Variants in NPTN observed in about 807,000 individuals in gnomAD.
The protein encoded by NPTN is neuroplastin.
NPTN carries 5 observed loss-of-function variants against 42.7 expected under a neutral mutation model. The observed-to-expected ratio is 0.12, with a 90% CI of 0.06 to 0.25. The LOEUF is 0.25. Among genes scored for constraint, NPTN ranks in the 10% least tolerant of loss-of-function variants. The probability of loss-of-function intolerance (pLI) is 1.00; values close to 1 mark genes in which losing one functional copy is unlikely to be tolerated. For synonymous variants in NPTN, 180 were observed against 201.9 expected (o/e 0.89, Z 0.92); for missense variants, 307 against 525.4 (o/e 0.58, Z 4.06).
chr15:73,564,063 T>A (rs1894842580), intron 6 of NPTN, among the ~76,000 whole-genome samples: 1 of 152,252 alleles, frequency 6.6e-6, no homozygotes, highest in Non-Finnish European at 1.5e-5. Flanking sequence ...CCTTCTTAAA[T>A]TGATACTTTA....
Position 73,570,658 on chromosome 15 carries a change from G to A in NPTN, c.841-235C>T, listed in dbSNP as rs905892819. 1.3e-5 allele frequency among the ~76,000 whole-genome samples: 2 copies of A among 152,238 alleles called. No individual in the cohort carries two copies. The highest frequency in any genetic ancestry group is 2.9e-5 in the Non-Finnish European group (2 of 68,042). On this transcript the variant is annotated intron_variant, in intron 5 of 8. Transcript: ENST00000345330. This position sits in a 1 kb window ranked among gnomAD's most constrained non-coding sequence, Gnocchi z 4.0. ...CAGACTTCCCCGACTTCCACGAAGT[G>A]AGTGCAGGTCCTACTGCCTGGAGAC...
intron 1 of NPTN, among the ~76,000 whole-genome samples, chr15:73,610,112 G>A (rs1234837073): frequency 6.6e-6 from 1 of 151,058 alleles, no homozygotes; most frequent in African/African-American, 2.4e-5. Flanking sequence ...TAGAGACAGG[G>A]TCTCGCTCTT....
At chr15:73,584,727 G>A (rs1896230661) in intron 4 of NPTN, among the ~76,000 whole-genome samples, 1 of 139,280 alleles carries the variant, frequency 7.2e-6, no homozygotes, top group Non-Finnish European at 1.5e-5. Context: ...ACCCTCAACA[G>A]TATCTTCCTG....
intron 4 of NPTN, among the ~76,000 whole-genome samples, chr15:73,575,049 T>C (rs1039527032): frequency 6.6e-6 from 1 of 152,264 alleles, no homozygotes; most frequent in Non-Finnish European, 1.5e-5. Context: ...AATGGTGTGA[T>C]CTTGGCTCAC....
rs1205794879 is a variant in NPTN, at chr15:73,569,582, C to G, written c.1114+568G>C. On this transcript the variant is annotated intron_variant, in intron 6 of 8. Transcript: ENST00000345330. This position sits in a 1 kb window ranked among gnomAD's most constrained non-coding sequence, Gnocchi z 4.1. ...GCCACCCAGCAGAGAGCGCTGGAAACCTATCAAAGGGACCAACCAAGGAAC... is the reference window on the plus strand; with the variant it reads ...GCCACCCAGCAGAGAGCGCTGGAAAGCTATCAAAGGGACCAACCAAGGAAC... 5 of 985,334 alleles carry G rather than the reference C, an allele frequency of 5.1e-6. No homozygotes were observed. Among genetic ancestry groups the G allele is most frequent in the East Asian group, 2.3e-4 (2 of 8,834 alleles). The allele number at this position is 985,334 out of a possible 1,614,324, so 61.0% of individuals were successfully genotyped here.
intron 1 of NPTN, among the ~76,000 whole-genome samples, chr15:73,598,121 CT>C (rs1297469751): frequency 6.6e-6 from 1 of 152,162 alleles, no homozygotes; most frequent in Non-Finnish European, 1.5e-5. Context: ...GATATTAATA[CT>C]TTGTGGGTCA....
chr15:73,597,823 G>C lies in NPTN; in HGVS notation c.92-454C>G, dbSNP rs1896896638. On this transcript the variant is annotated intron_variant, in intron 1 of 8. Coordinates refer to ENST00000345330, the MANE Select transcript of NPTN (RefSeq NM_012428.4). This position sits in a 1 kb window ranked among gnomAD's most constrained non-coding sequence, Gnocchi z 6.3. The stretch of plus-strand genomic sequence containing the variant: ...CAAATCAGGATCTCTCTTTTGGATG[G>C]GCAAACGCTTTGTTAGAAATGCAGT... Among the ~76,000 whole-genome samples the C allele has an allele frequency of 6.6e-6, 1 of 152,176 alleles. No individual in the cohort carries two copies. The highest frequency in any genetic ancestry group is 2.4e-5 in the African/African-American group (1 of 41,446).
At chr15:73,584,847 A>G (rs931846431) in intron 4 of NPTN, among the ~76,000 whole-genome samples, 1 of 151,608 alleles carries the variant, frequency 6.6e-6, no homozygotes, top group African/African-American at 2.4e-5. Flanking sequence ...AGATACTCCT[A>G]TCCTCCAAAT....
At chr15:73,610,291 G>A (rs771177718) in intron 1 of NPTN, among the ~76,000 whole-genome samples, 8 of 151,980 alleles carry the variant, frequency 5.3e-5, no homozygotes, top group Non-Finnish European at 1.0e-4. Flanking sequence ...GTCTTGCTAC[G>A]TTTTTTGTAC....
intron 1 of NPTN, among the ~76,000 whole-genome samples, chr15:73,606,302 G>C (rs917905518): frequency 6.6e-6 from 1 of 152,312 alleles, no homozygotes. Flanking sequence ...CTAAGGATGT[G>C]TCTGTCCAAG....
chr15:73,592,242 G>C, intron 2 of NPTN, 105 bp from the exon 3 acceptor site: 5 of 886,686 alleles, frequency 5.6e-6, no homozygotes, highest in Non-Finnish European at 6.7e-6. Flanking sequence ...AAAAGAGGGA[G>C]GGCAGACAGG....
At chr15:73,613,586 A>C (rs948149126) in intron 1 of NPTN, among the ~76,000 whole-genome samples, 2 of 152,218 alleles carry the variant, frequency 1.3e-5, no homozygotes, top group Non-Finnish European at 2.9e-5. Context: ...AAACAGGCCA[A>C]GATTGTGTCA....
At chr15:73,603,439 C>T (rs955768270) in intron 1 of NPTN, among the ~76,000 whole-genome samples, 1 of 152,112 alleles carries the variant, frequency 6.6e-6, no homozygotes, top group Non-Finnish European at 1.5e-5. Context: ...AGAACCAGAA[C>T]GGAAATGTTA....
At position 73,613,823 on chromosome 15, in the gene NPTN, T is replaced by G. The variant is rs537852867; in HGVS notation, c.92-16454A>C. Among the ~76,000 whole-genome samples, 6 of 151,950 alleles carry G rather than the reference T, an allele frequency of 3.9e-5. No homozygotes were observed. The Middle Eastern group carries it at 0.014, about 345-fold the overall frequency. On this transcript the variant is annotated intron_variant, in intron 1 of 8. Coordinates refer to ENST00000345330, the MANE Select transcript of NPTN (RefSeq NM_012428.4). ...GCCTCAGCCTCCCAAGTAACTGGGA[T>G]TACAGGCGCCCACCACCATGCCTGG...
chr15:73,575,174 G>A (rs1221665465), intron 4 of NPTN, among the ~76,000 whole-genome samples: 2 of 152,178 alleles, frequency 1.3e-5, no homozygotes, highest in Admixed American at 6.5e-5. Flanking sequence ...GGAGAGATGG[G>A]GTTTCATCAT....
chr15:73,606,097 C>G (rs1897285837), intron 1 of NPTN, among the ~76,000 whole-genome samples: 1 of 152,108 alleles, frequency 6.6e-6, no homozygotes, highest in Non-Finnish European at 1.5e-5. Flanking sequence ...CACTTGCAGG[C>G]TTTTACAGTA....
chr15:73,569,239 G>A lies in NPTN; in HGVS notation c.1114+911C>T. On this transcript the variant is annotated intron_variant, in intron 6 of 8. Transcript: ENST00000345330. The surrounding 1 kb of genome is among the most constrained non-coding windows in gnomAD (Gnocchi z 4.1). The stretch of plus-strand genomic sequence containing the variant: ...AGGGTGGGGATGGGGAGCCAGCTGG[G>A]AACCTGAAGTACTGCAGATACAAGT... 21 of 985,546 alleles carry A rather than the reference G, an allele frequency of 2.1e-5. No individual in the cohort carries two copies. The highest frequency in any genetic ancestry group is 2.4e-5 in the Non-Finnish European group (20 of 830,020). 61.1% of individuals were successfully genotyped at this position (985,546 alleles called of 1,614,324 possible).
intron 5 of NPTN, among the ~76,000 whole-genome samples, chr15:73,571,231 C>G (rs1399317234): frequency 6.6e-6 from 1 of 152,132 alleles, no homozygotes; most frequent in Admixed American, 6.5e-5. Flanking sequence ...GCACTCCAGC[C>G]TGGTAGACAG....
chr15:73,605,743 A>G (rs1487411780), intron 1 of NPTN, among the ~76,000 whole-genome samples: 1 of 150,960 alleles, frequency 6.6e-6, no homozygotes, highest in Non-Finnish European at 1.5e-5. Flanking sequence ...AAAAAAAAAG[A>G]ATTGGAAAAT....
Sources: allele counts gnomAD v4.1 joint callset (sites outside exome capture counted in the v4.1 genomes callset), GRCh38; gene constraint gnomAD v4.1.1; non-coding constraint Gnocchi (gnomAD v3.1); transcripts MANE v1.5; gene names NCBI Gene and HGNC (gene_info 2026-07-23, HGNC 2026-07-21).